The following SLC25A16 variants were observed in gnomAD, a reference collection of about 807,000 sequenced individuals.
SLC25A16 encodes solute carrier family 25 member 16, also known as mitochondrial coenzyme A transporter SLC25A16.
In SLC25A16, 39 loss-of-function variants were observed where a neutral mutation model predicts 41.5. The observed-to-expected ratio is 0.94, with a 90% CI of 0.73 to 1.23. The LOEUF (loss-of-function observed/expected upper bound fraction) is 1.23. SLC25A16 is among the 50% of genes most tolerant of loss of function. The pLI is 0.00. For missense variants in SLC25A16, 421 were observed against 426.9 expected (o/e 0.99, Z 0.12); for synonymous variants, 146 against 147.8 (o/e 0.99, Z 0.09).
At chr10:68,516,662 C>A in intron 2 of SLC25A16, 89 bp downstream of exon 2, 1 of 886,858 alleles carries the variant, frequency 1.1e-6, no homozygotes, top group Non-Finnish European at 1.7e-6. Flanking sequence ...CTCTACTTTA[C>A]TTTTTACACC....
At chr10:68,487,242 A>C in intron 7 of SLC25A16, 30 bp from the exon 8 acceptor site, 1 of 1,601,660 alleles carries the variant, frequency 6.2e-7, no homozygotes, top group East Asian at 2.2e-5. Flanking sequence ...TAAAGAATTA[A>C]AAATTTTTGG....
chr10:68,517,219 G>C, intron 1 of SLC25A16: 1 of 992,420 alleles, frequency 1.0e-6, no homozygotes, highest in East Asian at 1.1e-4. Context: ...ACACTTGAAG[G>C]TATTTATCCG....
At position 68,489,045 on chromosome 10, in the gene SLC25A16, G is replaced by A. The variant is rs138868118; in HGVS notation, c.611-416C>T. ...AACAATTTGGGAGGCTGAGGTGGGC[G>A]GATTACCTGAGGTCAGGCGTTCGAG... On this transcript the variant is annotated intron_variant, in intron 6 of 8. Coordinates refer to ENST00000609923, the MANE Select transcript of SLC25A16 (RefSeq NM_152707.4). Among the ~76,000 whole-genome samples the A allele has an allele frequency of 2.5e-3, 387 of 152,208 alleles. 2 individuals are homozygous for A. Among genetic ancestry groups the A allele is most frequent in the African/African-American group, 9.0e-3 (372 of 41,534 alleles).
chr10:68,513,148 C>A (rs2053096219), intron 2 of SLC25A16, among the ~76,000 whole-genome samples: 1 of 151,432 alleles, frequency 6.6e-6, no homozygotes, highest in African/African-American at 2.4e-5. Flanking sequence ...GAGTTGCAGA[C>A]CAGCCTAGGG....
intron 2 of SLC25A16, among the ~76,000 whole-genome samples, chr10:68,510,156 T>A (rs1382172315): frequency 6.6e-6 from 1 of 152,144 alleles, no homozygotes; most frequent in African/African-American, 2.4e-5. Flanking sequence ...TGTGACACTT[T>A]TTATAAAAAG....
chr10:68,523,544 C>G (rs568534998), intron 1 of SLC25A16, among the ~76,000 whole-genome samples: 5 of 152,212 alleles, frequency 3.3e-5, no homozygotes, highest in Non-Finnish European at 5.9e-5. Flanking sequence ...GCGATCTTGT[C>G]TCACAACAAC....
At chr10:68,524,048 C>T (rs931031217) in intron 1 of SLC25A16, among the ~76,000 whole-genome samples, 5 of 139,542 alleles carry the variant, frequency 3.6e-5, no homozygotes, top group African/African-American at 5.5e-5. Flanking sequence ...AGGTGGCTCA[C>T]GCCTGTAATC....
chr10:68,506,461 A>C (rs137998069), intron 3 of SLC25A16, 124 bp downstream of exon 3: 12,638 of 669,048 alleles, frequency 0.019, 142 homozygotes, highest in Non-Finnish European at 0.023. Context: ...AAAAAAAAAA[A>C]CCAATAATTT....
chr10:68,516,280 G>C (rs551375677), intron 2 of SLC25A16, among the ~76,000 whole-genome samples: 28 of 152,052 alleles, frequency 1.8e-4, no homozygotes, highest in Non-Finnish European at 2.9e-4. Flanking sequence ...CCATTGGCTG[G>C]AACGGGACCT....
chr10:68,525,667 C>T (rs567347520), intron 1 of SLC25A16, among the ~76,000 whole-genome samples: 1 of 152,240 alleles, frequency 6.6e-6, no homozygotes, highest in East Asian at 1.9e-4. Context: ...TAAGTAATGA[C>T]AACCTGTGGG....
intron 6 of SLC25A16, among the ~76,000 whole-genome samples, chr10:68,492,907 C>T (rs955264435): frequency 6.6e-6 from 1 of 151,952 alleles, no homozygotes; most frequent in Admixed American, 6.6e-5. Flanking sequence ...GTTAACAAGA[C>T]TACAGCTGGC....
At chr10:68,517,734 C>T (rs1195581005) in intron 1 of SLC25A16, 3 of 152,042 alleles carry the variant, frequency 2.0e-5, no homozygotes, top group Non-Finnish European at 4.4e-5. Context: ...TTTGGCAGCT[C>T]GGGGCGGGCA....
At position 68,516,746 on chromosome 10, in the gene SLC25A16, C is replaced by G. The variant is rs773865065; in HGVS notation, c.223+5G>C. 5.8e-6 allele frequency: 9 copies of G among 1,553,256 alleles called. No individual in the cohort carries two copies. Among genetic ancestry groups the G allele is most frequent in the Non-Finnish European group, 8.8e-7 (1 of 1,130,118 alleles). On this transcript the variant is annotated splice_donor_5th_base_variant and intron_variant, in intron 2 of 8. Coordinates refer to ENST00000609923, the MANE Select transcript of SLC25A16 (RefSeq NM_152707.4). ...CATTTTTATCTTTAGCATCTATTAA[C>G]TCACCTAAATGCTTGTAATGGTGAT...
At chr10:68,514,894 C>T (rs369527754) in intron 2 of SLC25A16, among the ~76,000 whole-genome samples, 21 of 151,918 alleles carry the variant, frequency 1.4e-4, no homozygotes, top group African/African-American at 4.6e-4. Flanking sequence ...CCTGCCACCA[C>T]GCCCAGCTAA....
chr10:68,516,308 C>G (rs149244743), intron 2 of SLC25A16, among the ~76,000 whole-genome samples: 1 of 152,048 alleles, frequency 6.6e-6, no homozygotes, highest in African/African-American at 2.4e-5. Context: ...TGTATTTGTC[C>G]CGACTGGCTA....
chr10:68,498,687 C>G (rs1200638172), intron 4 of SLC25A16, among the ~76,000 whole-genome samples: 1 of 152,070 alleles, frequency 6.6e-6, no homozygotes, highest in African/African-American at 2.4e-5. Context: ...AGAGCAAAAC[C>G]CTGTCTCTGA....
intron 4 of SLC25A16, among the ~76,000 whole-genome samples, chr10:68,494,681 A>C (rs567717840): frequency 7.0e-6 from 1 of 142,578 alleles, no homozygotes; most frequent in Non-Finnish European, 1.6e-5. Flanking sequence ...GTTCGAGACC[A>C]GCCTGGCCAA....
In SLC25A16 at chr10:68,514,174, G is replaced by T. The variant is rs182212670; in HGVS notation, c.223+2577C>A. ...TGCCACAGTACTCCAGCCTCTGGGC[G>T]ACAGAGCAAGACTTTGTCTCAAAAA... On this transcript the variant is annotated intron_variant, in intron 2 of 8. Coordinates refer to ENST00000609923, the MANE Select transcript of SLC25A16 (RefSeq NM_152707.4). Among the ~76,000 whole-genome samples the T allele has an allele frequency of 2.0e-4, 31 of 152,126 alleles. No individual in the cohort carries two copies. The East Asian group carries it at 5.4e-3, about 27-fold the overall frequency.
At position 68,503,867 on chromosome 10, in the gene SLC25A16, C is replaced by T. The variant is rs561928616; in HGVS notation, c.358-172G>A. ...ACAGCTTGGCAGTGTTATATCACAG[C>T]AGAAGGGGATATTTCCTCTGTAGTC... On this transcript the variant is annotated intron_variant, in intron 3 of 8. Transcript: ENST00000609923. 2.6e-5 allele frequency among the ~76,000 whole-genome samples: 4 copies of T among 152,190 alleles called. No individual in the cohort carries two copies. The South Asian group carries it at 8.3e-4, about 32-fold the overall frequency.
Sources: gnomAD v4.1 joint callset for allele counts (sites outside exome capture counted in the v4.1 genomes callset) on GRCh38, gnomAD v4.1.1 for gene constraint, MANE v1.5 for transcripts, NCBI Gene and HGNC (gene_info 2026-07-23, HGNC 2026-07-21) for gene names.